MAPK10: variants seen among roughly 807,000 people sequenced by gnomAD.
MAPK10 encodes mitogen-activated protein kinase 10.
In MAPK10, 25 loss-of-function variants were observed where a neutral mutation model predicts 59.3. The ratio of observed to expected loss-of-function variants is 0.42; its 90% CI spans 0.31 to 0.59. The LOEUF (loss-of-function observed/expected upper bound fraction) is 0.59. Ranked by LOEUF, MAPK10 falls within the 20% of genes least tolerant of loss-of-function variation. MAPK10 has a pLI of 0.15. For synonymous variants in MAPK10, 190 were observed against 200.5 expected, an observed-to-expected ratio of 0.95 and a Z score of 0.44; for missense variants, 351 against 568.9, an observed-to-expected ratio of 0.62 and a Z score of 3.90.
rs193043601 is a variant in MAPK10 at position 86,015,163 on chromosome 4, A to G, written c.*2065T>C. The G allele has an allele frequency of 6.6e-5, 10 of 152,316 alleles. No individual in the cohort carries two copies. Among genetic ancestry groups the G allele is most frequent in the Admixed American group, 6.5e-4 (10 of 15,294 alleles). The allele number at this position is 152,316 out of a possible 1,614,324, so 9.4% of individuals were successfully genotyped here. A position where few individuals can be genotyped will look rare whatever the true frequency, so the allele number is the denominator to read the frequency against. ...ATTTTTATTCCAGGGGACAAGCTGC[A>G]CAAAGGAATGTTCTTCTATTTATTT... On this transcript the variant is annotated 3_prime_UTR_variant, in exon 14 of 14. Transcript: ENST00000641462.
intron 2 of MAPK10, among the ~76,000 whole-genome samples, chr4:86,232,262 A>C (rs930709735): frequency 1.3e-5 from 2 of 152,230 alleles, no homozygotes; most frequent in African/African-American, 4.8e-5. Context: ...TGACCTGTTA[A>C]GTTTGTTTAG....
At chr4:86,090,039 T>TG (rs2149047711) in intron 9 of MAPK10, among the ~76,000 whole-genome samples, 1 of 152,252 alleles carries the variant, frequency 6.6e-6, no homozygotes, top group East Asian at 1.9e-4. Context: ...ATGGTCTCTC[T>TG]GTTATTGCCA....
intron 3 of MAPK10, chr4:86,191,549 C>A (rs545084501): frequency 3.6e-5 from 3 of 83,226 alleles, no homozygotes; most frequent in Non-Finnish European, 7.5e-5. Context: ...GATTACAACC[C>A]GTGCTTTTTT....
chr4:86,384,560 T>G (rs889929051), intron 1 of MAPK10, among the ~76,000 whole-genome samples: 1 of 152,016 alleles, frequency 6.6e-6, no homozygotes, highest in African/African-American at 2.4e-5. Context: ...ATGTGCAGAC[T>G]AGAGTCTAGG....
At chr4:86,548,578 T>A (rs572562729) in intron 1 of MAPK10, among the ~76,000 whole-genome samples, 1 of 152,302 alleles carries the variant, frequency 6.6e-6, no homozygotes, top group South Asian at 2.1e-4. Flanking sequence ...TTTATCACCA[T>A]CCTCCTAGTG....
intron 1 of MAPK10, among the ~76,000 whole-genome samples, chr4:86,514,249 T>G (rs1030758177): frequency 7.2e-5 from 11 of 152,112 alleles, no homozygotes; most frequent in African/African-American, 2.7e-4. Context: ...TGCAGAAAGG[T>G]TATCACAACC....
chr4:86,060,784 T>C (rs1315418890), intron 11 of MAPK10, among the ~76,000 whole-genome samples: 3 of 152,116 alleles, frequency 2.0e-5, no homozygotes, highest in East Asian at 3.8e-4. Flanking sequence ...GAGGTAGGTA[T>C]ACATTAAACA....
intron 3 of MAPK10, among the ~76,000 whole-genome samples, chr4:86,162,705 A>G (rs373086694): frequency 1.3e-5 from 2 of 152,032 alleles, no homozygotes; most frequent in East Asian, 3.8e-4. Context: ...CGCTCATTCA[A>G]TATCATTAAT....
At chr4:86,160,252 G>A (rs2069137057) in intron 3 of MAPK10, 1 of 151,814 alleles carries the variant, frequency 6.6e-6, no homozygotes, top group Non-Finnish European at 1.5e-5. Context: ...CATTACCTGT[G>A]ATTATTTATC....
intron 1 of MAPK10, among the ~76,000 whole-genome samples, chr4:86,502,885 A>G (rs1247181592): frequency 2.6e-5 from 4 of 152,134 alleles, no homozygotes; most frequent in African/African-American, 9.7e-5. Context: ...AAACAAAAAT[A>G]ACAGACTTTT....
chr4:86,581,915 A>ATATATATATATAT (rs1762324351), intron 1 of MAPK10, among the ~76,000 whole-genome samples: 3 of 35,298 alleles, frequency 8.5e-5, no homozygotes, highest in African/African-American at 2.1e-4. Context: ...ATATATATAT[A>ATATATATATATAT]TATATATATA....
intron 9 of MAPK10, chr4:86,079,967 T>C (rs2149028177): frequency 6.6e-6 from 1 of 152,236 alleles, no homozygotes; most frequent in African/African-American, 2.4e-5. Flanking sequence ...CTGCAGCTAT[T>C]ATCACCTTCT....
intron 2 of MAPK10, among the ~76,000 whole-genome samples, chr4:86,297,749 TTACTC>T (rs1270753494): frequency 6.6e-6 from 1 of 151,402 alleles, no homozygotes; most frequent in Non-Finnish European, 1.5e-5. Context: ...TCTCTACTCT[TTACTC>T]TAATTTTTTC....
upstream of MAPK10, among the ~76,000 whole-genome samples, chr4:86,363,799 T>G (rs1322029849): frequency 6.6e-6 from 1 of 152,178 alleles, no homozygotes; most frequent in Non-Finnish European, 1.5e-5. Context: ...CTCTTTTTTT[T>G]TGAGACAGGG....
chr4:86,467,740 G>A (rs769932043), intron 1 of MAPK10, among the ~76,000 whole-genome samples: 1 of 152,112 alleles, frequency 6.6e-6, no homozygotes. Flanking sequence ...GGATGGTCTC[G>A]ATCTCTTGAC....
At chr4:86,105,779 C>T (rs1338945670) in intron 5 of MAPK10, among the ~76,000 whole-genome samples, 1 of 152,030 alleles carries the variant, frequency 6.6e-6, no homozygotes, top group Non-Finnish European at 1.5e-5. Flanking sequence ...CTAGAAGTCT[C>T]ATGTTTGTTG....
chr4:86,428,482 G>C (rs192223583), intron 1 of MAPK10, among the ~76,000 whole-genome samples: 239 of 152,084 alleles, frequency 1.6e-3, no homozygotes, highest in African/African-American at 5.7e-3. Context: ...TCTTTATATA[G>C]GGTTAAAACA....
chr4:86,410,452 G>C (rs1564819888), intron 1 of MAPK10, among the ~76,000 whole-genome samples: 1 of 152,114 alleles, frequency 6.6e-6, no homozygotes, highest in Non-Finnish European at 1.5e-5. Context: ...TTTTTCTATT[G>C]ATTGGAATAG....
At chr4:86,545,447 A>T (rs934386811) in intron 1 of MAPK10, among the ~76,000 whole-genome samples, 1 of 152,164 alleles carries the variant, frequency 6.6e-6, no homozygotes, top group Non-Finnish European at 1.5e-5. Context: ...AAAAATCCAC[A>T]CCATTTCCAT....
Sources: gnomAD v4.1 joint callset for allele counts (sites outside exome capture counted in the v4.1 genomes callset) on GRCh38, gnomAD v4.1.1 for gene constraint, MANE v1.5 for transcripts, NCBI Gene and HGNC (gene_info 2026-07-23, HGNC 2026-07-21) for gene names.